CD1D: variants seen among roughly 807,000 people sequenced by gnomAD.
CD1D encodes the protein CD1d molecule.
CD1D carries 40 observed loss-of-function variants against 42.1 expected under a neutral mutation model. The ratio of observed to expected loss-of-function variants is 0.95; its 90% confidence interval spans 0.74 to 1.24. The LOEUF (loss-of-function observed/expected upper bound fraction) is 1.24, where lower values mean the gene tolerates loss of function less well. Ranked by LOEUF, CD1D falls within the 50% of genes most tolerant of loss-of-function variation. The probability of loss-of-function intolerance (pLI) is 0.00; values close to 1 mark genes in which losing one functional copy is unlikely to be tolerated. For synonymous variants in CD1D, 178 were observed against 171.8 expected, an observed-to-expected ratio of 1.04 and a Z score of -0.28; for missense variants, 437 against 416.5, an observed-to-expected ratio of 1.05 and a Z score of -0.43.
In CD1D at chr1:158,184,002, T is replaced by C. The variant is rs779817716; in HGVS notation, c.953T>C (p.Ile318Thr). 6.8e-5 allele frequency: 110 copies of C among 1,614,096 alleles called. 1 individual carries two copies. The East Asian group carries it at 2.2e-3, about 32-fold the overall frequency. ...AVLACLLFLL[I>T]VGFTSRFKRQ... ...CTGGCGTGCTTGCTGTTCCTCCTCA[T>C]TGTGGGCTTTACCTCCCGGTTTAAG... Residue 318 changes from isoleucine (I) to threonine (T), a missense_variant, in exon 5 of 6, where the codon ATT becomes ACT. Coordinates refer to ENST00000674085, the MANE Select transcript of CD1D (RefSeq NM_001371762.2).
In CD1D at chr1:158,181,063, C is replaced by A. The variant is rs559169805; in HGVS notation, c.-39C>A. The stretch of plus-strand genomic sequence containing the variant: ...GAAGAGTGCGCAGGTCAGAGGGCGG[C>A]GCGCAGCGGCGCTCCGCGAGGTCCC... On this transcript the variant is annotated 5_prime_UTR_variant, in exon 1 of 6. Coordinates refer to ENST00000674085, the MANE Select transcript of CD1D (RefSeq NM_001371762.2). 6 of 1,512,032 alleles carry A rather than the reference C, an allele frequency of 4.0e-6. No homozygotes were observed. The African/African-American group carries it at 6.9e-5, about 17-fold the overall frequency. The allele number at this position is 1,512,032 out of a possible 1,614,324, so 93.7% of individuals were successfully genotyped here. A position where few individuals can be genotyped will look rare whatever the true frequency, so the allele number is the denominator to read the frequency against.
Position 158,181,506 on chromosome 1 carries a change from A to G in CD1D, c.113A>G (p.Asn38Ser), listed in dbSNP as rs534777032. Residue 38 changes from asparagine (N) to serine (S), a missense_variant, in exon 2 of 6, where the codon AAT (asparagine) becomes AGT (serine). Asn to Ser is a conservative substitution (Grantham distance 46). Transcript: ENST00000674085. ...LRCLQISSFA[N>S]SSWTRTDGLA... Reference sequence around the variant, plus strand: ...TGCCTCCAGATCTCGTCCTTCGCCAATAGCAGCTGGACGCGCACCGACGGC... The same window carrying G: ...TGCCTCCAGATCTCGTCCTTCGCCAGTAGCAGCTGGACGCGCACCGACGGC... 6 of 1,614,084 alleles carry G rather than the reference A, an allele frequency of 3.7e-6. No homozygotes were observed. The African/African-American group carries it at 4.0e-5, about 11-fold the overall frequency.
Position 158,181,182 on chromosome 1 carries a change from T to A in CD1D, c.61+20T>A. ...CTGAAGGTGGGTGGAACGAGGGCGC[T>A]TGAGTGCACTCGCGGGAGGGCGGAG... On this transcript the variant is annotated intron_variant, in intron 1 of 5. Transcript: ENST00000674085. 6.5e-7 allele frequency: 1 copy of A among 1,549,328 alleles called. No individual in the cohort carries two copies. The highest frequency in any genetic ancestry group is 1.4e-5 in the African/African-American group (1 of 73,048).
chr1:158,183,969 T>C lies in CD1D; in HGVS notation c.920T>C (p.Leu307Ser). ...GSYTSMGLIA[L>S]AVLACLLFLL... ...TACACCTCCATGGGCTTGATTGCCT[T>C]GGCAGTCCTGGCGTGCTTGCTGTTC... The change falls in exon 5 of 6, where the codon TTG becomes TCG. Residue 307 changes from leucine (L) to serine (S), a missense_variant. Leu to Ser is a moderately radical substitution (Grantham distance 145). Transcript: ENST00000674085. The C allele has an allele frequency of 6.2e-7, 1 of 1,614,226 alleles. No homozygotes were observed.
At position 158,182,864 on chromosome 1, in the gene CD1D, C is replaced by T; in HGVS notation, c.608-14C>T. 1 of 1,591,128 alleles carries T rather than the reference C, an allele frequency of 6.3e-7. No homozygotes were observed. The highest frequency in any genetic ancestry group is 8.6e-7 in the Non-Finnish European group (1 of 1,167,212). ...TTCACTTTAAGATCCCCCCCATTCC[C>T]TTGTTGGATACAGTGAAGCCCAAGG... On this transcript the variant is annotated splice_polypyrimidine_tract_variant and intron_variant, in intron 3 of 5. Transcript: ENST00000674085.
At position 158,184,461 on chromosome 1, in the gene CD1D, A is replaced by T. The variant is rs956779412; in HGVS notation, c.*311A>T. On this transcript the variant is annotated 3_prime_UTR_variant, in exon 6 of 6. Transcript: ENST00000674085. Reference sequence around the variant, plus strand: ...ACCAGGGACAAGCAGGTAAGAGCTGATGTGAGTGTGTGTGATGGGATCTGT... The same window carrying T: ...ACCAGGGACAAGCAGGTAAGAGCTGTTGTGAGTGTGTGTGATGGGATCTGT... The T allele has an allele frequency of 2.2e-6, 1 of 448,642 alleles. No homozygotes were observed. The highest frequency in any genetic ancestry group is 4.0e-6 in the Non-Finnish European group (1 of 248,008). 27.8% of individuals were successfully genotyped at this position (448,642 alleles called of 1,614,324 possible). A position where few individuals can be genotyped will look rare whatever the true frequency, so the allele number is the denominator to read the frequency against.
intron 1 of CD1D, 144 bp from the exon 2 acceptor site, chr1:158,181,311 C>G: frequency 7.0e-7 from 1 of 1,435,628 alleles, no homozygotes; most frequent in Non-Finnish European, 9.6e-7. Context: ...CTCCCTGGCT[C>G]CGGGGAGAGG....
intron 1 of CD1D, 57 bp downstream of exon 1, chr1:158,181,219 G>A (rs1648388273): frequency 6.5e-7 from 1 of 1,533,108 alleles, no homozygotes. Context: ...GAGGGAGCTG[G>A]GTAGGGACGG....
At chr1:158,180,721 G>A (rs1398494387), upstream of CD1D, 2 of 214,626 alleles carry the variant, frequency 9.3e-6, no homozygotes, top group Non-Finnish European at 1.8e-5. Context: ...ACCATGGTTG[G>A]AATTGTAACA....
At chr1:158,179,636 C>G (rs988855551), upstream of CD1D, among the ~76,000 whole-genome samples, 1 of 152,158 alleles carries the variant, frequency 6.6e-6, no homozygotes, top group African/African-American at 2.4e-5. Context: ...TGCCCTACTT[C>G]TCCTGCCTAG....
intron 1 of CD1D, 141 bp downstream of exon 1, chr1:158,181,303 C>G (rs540367424): frequency 1.4e-6 from 2 of 1,428,298 alleles, no homozygotes; most frequent in Non-Finnish European, 1.9e-6. Flanking sequence ...ACTCGCTGCT[C>G]CCTGGCTCCG....
chr1:158,181,827 C>T, intron 2 of CD1D, 106 bp downstream of exon 2: 3 of 1,446,336 alleles, frequency 2.1e-6, no homozygotes, highest in South Asian at 1.3e-5. Context: ...TCTGCTCTGT[C>T]CACCCTCTTC....
At chr1:158,183,797 T>G in intron 4 of CD1D, 139 bp from the exon 5 acceptor site, 1 of 719,826 alleles carries the variant, frequency 1.4e-6, no homozygotes, top group Non-Finnish European at 2.5e-6. Flanking sequence ...TCTAAACTTA[T>G]GAGGAATAGA....
chr1:158,179,257 A>G (rs1267807806), upstream of CD1D, among the ~76,000 whole-genome samples: 1 of 152,220 alleles, frequency 6.6e-6, no homozygotes, highest in Non-Finnish European at 1.5e-5. Flanking sequence ...TTAATAATTT[A>G]ACACCTTATT....
chr1:158,185,481 G>T lies in CD1D; in HGVS notation c.*1331G>T, dbSNP rs1368546225. ...AGATAGGAGGATTGTTTAAGGCCAG[G>T]CATTTGAAATCAGCCTGGGCAACAT... On this transcript the variant is annotated 3_prime_UTR_variant, in exon 6 of 6. Coordinates refer to ENST00000674085, the MANE Select transcript of CD1D (RefSeq NM_001371762.2). Among the ~76,000 whole-genome samples the T allele has an allele frequency of 6.6e-6, 1 of 152,048 alleles. No individual in the cohort carries two copies. Among genetic ancestry groups the T allele is most frequent in the Non-Finnish European group, 1.5e-5 (1 of 68,008 alleles).
chr1:158,185,861 G>C lies in CD1D; in HGVS notation c.*1711G>C, dbSNP rs1016495202. 2.0e-5 allele frequency among the ~76,000 whole-genome samples: 3 copies of C among 152,108 alleles called. No homozygotes were observed. Among genetic ancestry groups the C allele is most frequent in the South Asian group, 2.1e-4 (1 of 4,826 alleles). On this transcript the variant is annotated 3_prime_UTR_variant, in exon 6 of 6. Transcript: ENST00000674085. ...GCAGGCTCAATAGTCAAGCCCCCTG[G>C]TGATTCTGATGCTTAGCTAAAGTTA...
In CD1D at chr1:158,183,098, C is replaced by T. The variant is rs369282658; in HGVS notation, c.828C>T (p.Gly276=). 1.2e-6 allele frequency: 2 copies of T among 1,614,072 alleles called. No homozygotes were observed. Among genetic ancestry groups the T allele is most frequent in the South Asian group, 2.2e-5 (2 of 91,068 alleles). ...ATGTGGTGGCTGGGGAGGCAGCTGGCCTGTCCTGTCGGGTGAAGCACAGCA... is the reference window on the plus strand; with the variant it reads ...ATGTGGTGGCTGGGGAGGCAGCTGGTCTGTCCTGTCGGGTGAAGCACAGCA... ...TLDVVAGEAA[G]LSCRVKHSSL... is the part of the protein sequence containing the mutation. Residue 276 remains glycine, a synonymous_variant, in exon 4 of 6, where the codon GGC becomes GGT. Transcript: ENST00000674085.
upstream of CD1D, among the ~76,000 whole-genome samples, chr1:158,178,144 A>G (rs1648245883): frequency 6.6e-6 from 1 of 152,240 alleles, no homozygotes. Flanking sequence ...GGTTTGTATT[A>G]TCAGGCTACT....
chr1:158,181,319 A>G, intron 1 of CD1D, 136 bp from the exon 2 acceptor site: 2 of 1,431,168 alleles, frequency 1.4e-6, no homozygotes, highest in Admixed American at 3.7e-5. Context: ...CTCCGGGGAG[A>G]GGCAGCGCGG....
Sources: gnomAD v4.1 joint callset for allele counts (sites outside exome capture counted in the v4.1 genomes callset) on GRCh38, gnomAD v4.1.1 for gene constraint, MANE v1.5 for transcripts, NCBI Gene and HGNC (gene_info 2026-07-23, HGNC 2026-07-21) for gene names.